The following ARHGAP18 variants were observed in gnomAD, a reference collection of about 807,000 sequenced individuals.
ARHGAP18 encodes rho GTPase-activating protein 18.
ARHGAP18 carries 67 observed loss-of-function variants against 86.2 expected under a neutral mutation model. The observed-to-expected ratio is 0.78, with a 90% confidence interval of 0.64 to 0.95. The LOEUF is 0.95. ARHGAP18 is among the 40% of genes least tolerant of loss of function. The probability of loss-of-function intolerance (pLI) is 0.00; values close to 1 mark genes in which losing one functional copy is unlikely to be tolerated. For synonymous variants in ARHGAP18, 283 were observed against 280.4 expected, an observed-to-expected ratio of 1.01 and a Z score of -0.09; for missense variants, 691 against 780.4, an observed-to-expected ratio of 0.89 and a Z score of 1.37.
At chr6:129,601,139 T>A (rs1338324744) in intron 10 of ARHGAP18, among the ~76,000 whole-genome samples, 1 of 152,154 alleles carries the variant, frequency 6.6e-6, no homozygotes, top group Non-Finnish European at 1.5e-5. Context: ...CTCTGGCCTA[T>A]GGGAGTCATG....
At chr6:129,625,720 TATTA>T (rs1231548824) in intron 5 of ARHGAP18, among the ~76,000 whole-genome samples, 1 of 64,316 alleles carries the variant, frequency 1.6e-5, no homozygotes, top group Non-Finnish European at 2.7e-5. Context: ...TATATTTATA[TATTA>T]TATATATTTA....
chr6:129,694,871 G>A (rs1774587412), intron 1 of ARHGAP18, among the ~76,000 whole-genome samples: 1 of 152,116 alleles, frequency 6.6e-6, no homozygotes, highest in South Asian at 2.1e-4. Context: ...GTATTAAAAA[G>A]AAATATTCTT....
chr6:129,624,990 TA>T (rs1334925533), intron 5 of ARHGAP18, among the ~76,000 whole-genome samples: 1 of 75,104 alleles, frequency 1.3e-5, no homozygotes, highest in African/African-American at 4.5e-5. Context: ...TAATATATAT[TA>T]TATATGATAT....
In ARHGAP18 at chr6:129,576,249, CAGT is replaced by C. The variant is rs1250815855; in HGVS notation, c.*2261_*2263del. On this transcript the variant is annotated 3_prime_UTR_variant, in exon 15 of 15. Transcript: ENST00000368149. ...TAAGGAAAAAAAATCACAGCAAAAG[CAGT>C]AGGTTAACATCAGGATATTTATATT... 6.6e-6 allele frequency: 1 copy of C among 152,080 alleles called. No homozygotes were observed. Among genetic ancestry groups the C allele is most frequent in the Non-Finnish European group, 1.5e-5 (1 of 68,022 alleles). The allele number at this position is 152,080 out of a possible 1,614,324, so 9.4% of individuals were successfully genotyped here.
chr6:129,674,784 G>C (rs942026096), intron 1 of ARHGAP18, among the ~76,000 whole-genome samples: 3 of 152,290 alleles, frequency 2.0e-5, no homozygotes, highest in Admixed American at 1.3e-4. Context: ...AGTGAGGACT[G>C]TTTATGTTTA....
Position 129,584,074 on chromosome 6 carries a change from G to A in ARHGAP18, c.1752C>T (p.Pro584=). ...TTGCCATGGAAACTTTCGAAAGATG[G>A]GGAGCTTGCACTCGAATCACTCCCT... ...VPQGVIRVQA[P]HLSKVSMAIQ... The change falls in exon 13 of 15, where the codon CCC becomes CCT. Residue 584 remains proline, a synonymous_variant. Coordinates refer to ENST00000368149, the MANE Select transcript of ARHGAP18 (RefSeq NM_033515.3). 1.2e-6 allele frequency: 2 copies of A among 1,613,698 alleles called. No individual in the cohort carries two copies. The highest frequency in any genetic ancestry group is 1.7e-6 in the Non-Finnish European group (2 of 1,179,802).
At chr6:129,637,043 T>C (rs756192542) in intron 3 of ARHGAP18, among the ~76,000 whole-genome samples, 1 of 152,094 alleles carries the variant, frequency 6.6e-6, no homozygotes. Flanking sequence ...CACACAGTTC[T>C]TGTACTGTTT....
intron 1 of ARHGAP18, among the ~76,000 whole-genome samples, chr6:129,705,446 C>T (rs940047530): frequency 6.6e-6 from 1 of 152,094 alleles, no homozygotes; most frequent in Non-Finnish European, 1.5e-5. Flanking sequence ...ATCAATACCC[C>T]CCAAGAAAGG....
At chr6:129,628,496 T>C (rs1324469652) in intron 5 of ARHGAP18, among the ~76,000 whole-genome samples, 9 of 152,168 alleles carry the variant, frequency 5.9e-5, no homozygotes, top group Non-Finnish European at 1.2e-4. Flanking sequence ...TAATTGCACA[T>C]AGGAAAGGTA....
Position 129,608,063 on chromosome 6 carries a change from C to G in ARHGAP18, c.1123-11G>C, listed in dbSNP as rs372719398. On this transcript the variant is annotated splice_polypyrimidine_tract_variant and intron_variant, in intron 8 of 14. Coordinates refer to ENST00000368149, the MANE Select transcript of ARHGAP18 (RefSeq NM_033515.3). ...TTCTTGGCAAAGATTCTGATAGGCACGAAAAAAAAAAAAAAAAAAAAAAGA... is the reference window on the plus strand; with the variant it reads ...TTCTTGGCAAAGATTCTGATAGGCAGGAAAAAAAAAAAAAAAAAAAAAAGA... 3.4e-5 allele frequency: 22 copies of G among 643,718 alleles called. No homozygotes were observed. In the Admixed American group the frequency reaches 7.8e-4, roughly 23 times the overall value. The allele number at this position is 643,718 out of a possible 1,614,324, so 39.9% of individuals were successfully genotyped here. A position where few individuals can be genotyped will look rare whatever the true frequency, so the allele number is the denominator to read the frequency against.
At chr6:129,619,568 G>C (rs1431822796) in intron 5 of ARHGAP18, among the ~76,000 whole-genome samples, 2 of 110,442 alleles carry the variant, frequency 1.8e-5, no homozygotes, top group African/African-American at 7.2e-5. Context: ...AGTGGGCAAG[G>C]GGAGAGGGAA....
chr6:129,686,222 G>A (rs2114542033), intron 1 of ARHGAP18, among the ~76,000 whole-genome samples: 1 of 152,210 alleles, frequency 6.6e-6, no homozygotes, highest in East Asian at 1.9e-4. Flanking sequence ...TACCAACATA[G>A]TGTAAAATAT....
intron 1 of ARHGAP18, among the ~76,000 whole-genome samples, chr6:129,656,064 A>G (rs1391859251): frequency 6.6e-6 from 1 of 152,228 alleles, no homozygotes; most frequent in Non-Finnish European, 1.5e-5. Flanking sequence ...TTAATAATAA[A>G]CAGATCACTA....
At chr6:129,702,756 T>C (rs1774737084) in intron 1 of ARHGAP18, among the ~76,000 whole-genome samples, 1 of 152,128 alleles carries the variant, frequency 6.6e-6, no homozygotes, top group South Asian at 2.1e-4. Flanking sequence ...TCCCAGCACT[T>C]TGGGAGGCCT....
chr6:129,584,712 T>C (rs1051418786), intron 12 of ARHGAP18, among the ~76,000 whole-genome samples: 2 of 152,166 alleles, frequency 1.3e-5, no homozygotes, highest in African/African-American at 2.4e-5. Context: ...CCAGTGAAAG[T>C]TTATGAGGTT....
At chr6:129,676,381 A>T (rs890994394) in intron 1 of ARHGAP18, among the ~76,000 whole-genome samples, 5 of 152,188 alleles carry the variant, frequency 3.3e-5, no homozygotes, top group African/African-American at 1.2e-4. Context: ...TCACAGGGTC[A>T]GTCTATTCAA....
intron 5 of ARHGAP18, among the ~76,000 whole-genome samples, chr6:129,623,476 T>G (rs1376704880): frequency 6.6e-6 from 1 of 152,122 alleles, no homozygotes; most frequent in Non-Finnish European, 1.5e-5. Flanking sequence ...GAATCCACGA[T>G]GAGAGATCAT....
At chr6:129,604,669 T>C (rs1788817568) in intron 10 of ARHGAP18, among the ~76,000 whole-genome samples, 1 of 152,164 alleles carries the variant, frequency 6.6e-6, no homozygotes, top group Admixed American at 6.6e-5. Flanking sequence ...ACACACTCTT[T>C]GAATATAACC....
intron 10 of ARHGAP18, among the ~76,000 whole-genome samples, chr6:129,605,199 T>A (rs1055620081): frequency 6.6e-6 from 1 of 152,184 alleles, no homozygotes; most frequent in African/African-American, 2.4e-5. Flanking sequence ...AACTCTGCTG[T>A]TAAGGAAAAT....
Sources: allele counts gnomAD v4.1 joint callset (sites outside exome capture counted in the v4.1 genomes callset), GRCh38; gene constraint gnomAD v4.1.1; transcripts MANE v1.5; gene names NCBI Gene and HGNC (gene_info 2026-07-23, HGNC 2026-07-21).